Variants in NMS observed in about 807,000 individuals in gnomAD.
NMS encodes neuromedin-S.
In NMS, 30 loss-of-function variants were observed where a neutral mutation model predicts 32.2. The observed-to-expected ratio is 0.93, with a 90% confidence interval of 0.70 to 1.26. The LOEUF (loss-of-function observed/expected upper bound fraction) is 1.26. Ranked by LOEUF, NMS falls within the 50% of genes most tolerant of loss-of-function variation. NMS has a pLI of 0.00. For missense variants in NMS, 190 were observed against 186.3 expected (o/e 1.02, Z -0.12); for synonymous variants, 76 against 58.5 (o/e 1.30, Z -1.37).
At chr2:100,473,422 C>A in intron 2 of NMS, 67 bp from the exon 3 acceptor site, 2 of 809,720 alleles carry the variant, frequency 2.5e-6, no homozygotes, top group African/African-American at 1.7e-5. Flanking sequence ...ATTTGATTAC[C>A]CATTAATCAA....
At chr2:100,479,936 G>A (rs756481184) in intron 6 of NMS, among the ~76,000 whole-genome samples, 9 of 152,154 alleles carry the variant, frequency 5.9e-5, no homozygotes, top group Non-Finnish European at 8.8e-5. Context: ...AATAGCAAGA[G>A]AGAAAATTTA....
chr2:100,482,016 A>G (rs1677227007), intron 8 of NMS, among the ~76,000 whole-genome samples: 1 of 152,180 alleles, frequency 6.6e-6, no homozygotes. Context: ...CCACCACATA[A>G]GCAAAGACTA....
intron 1 of NMS, 50 bp from the exon 2 acceptor site, chr2:100,472,745 T>C: frequency 8.5e-7 from 1 of 1,180,314 alleles, no homozygotes; most frequent in East Asian, 2.4e-5. Flanking sequence ...TTGAAGTAAA[T>C]GCTATGACCT....
At chr2:100,473,213 T>C (rs1327394539) in intron 2 of NMS, among the ~76,000 whole-genome samples, 4 of 152,194 alleles carry the variant, frequency 2.6e-5, no homozygotes, top group African/African-American at 9.7e-5. Flanking sequence ...TTTCATATAG[T>C]GTGTTACAAC....
At chr2:100,477,164 T>C in intron 3 of NMS, 80 bp from the exon 4 acceptor site, 1 of 1,175,168 alleles carries the variant, frequency 8.5e-7, no homozygotes, top group Admixed American at 1.7e-5. Flanking sequence ...AGGTCCATGG[T>C]GTACCTTATA....
chr2:100,479,474 A>G, intron 6 of NMS, 47 bp downstream of exon 6: 1 of 1,501,706 alleles, frequency 6.7e-7, no homozygotes, highest in Non-Finnish European at 9.2e-7. Flanking sequence ...CTCACAGTTC[A>G]TTGAATCGTG....
chr2:100,480,870 A>T (rs1677203865), intron 7 of NMS, among the ~76,000 whole-genome samples: 1 of 152,016 alleles, frequency 6.6e-6, no homozygotes, highest in Non-Finnish European at 1.5e-5. Context: ...CAGAGCACAA[A>T]CCCCAAACAC....
intron 1 of NMS, among the ~76,000 whole-genome samples, chr2:100,472,552 C>G (rs536407891): frequency 3.9e-5 from 6 of 152,286 alleles, no homozygotes; most frequent in African/African-American, 1.4e-4. Context: ...AATTAACAAC[C>G]ATGCTATTTT....
At chr2:100,472,763 CTAAT>C in intron 1 of NMS, 28 bp from the exon 2 acceptor site, 2 of 1,438,450 alleles carry the variant, frequency 1.4e-6, no homozygotes, top group East Asian at 4.5e-5. Flanking sequence ...CCTCTTTTCT[CTAAT>C]TAATAATTTT....
chr2:100,482,470 C>T (rs559554127), intron 9 of NMS, among the ~76,000 whole-genome samples, 159 bp downstream of exon 9: 1 of 152,038 alleles, frequency 6.6e-6, no homozygotes, highest in African/African-American at 2.4e-5. Context: ...CCTTTTCCTG[C>T]TCACAGGACC....
At chr2:100,477,013 G>T (rs1486521008) in intron 3 of NMS, among the ~76,000 whole-genome samples, 1 of 152,154 alleles carries the variant, frequency 6.6e-6, no homozygotes, top group Non-Finnish European at 1.5e-5. Flanking sequence ...AAGATGAAAT[G>T]AGATTATATT....
At position 100,482,284 on chromosome 2, in the gene NMS, A is replaced by G. The variant is rs779371487; in HGVS notation, c.422A>G (p.Asn141Ser). The G allele has an allele frequency of 1.2e-6, 2 of 1,614,030 alleles. No individual in the cohort carries two copies. Among genetic ancestry groups the G allele is most frequent in the Non-Finnish European group, 1.7e-6 (2 of 1,179,926 alleles). ...TGCTCCTTTTTTTTTCAGCCCAGGA[A>G]TGGAAGAAACATTGAAGATGAGGCC... ...GRPFFLFRPR[N>S]GRNIEDEAQI... is the part of the protein sequence containing the mutation. The change falls in exon 9 of 10, where the codon AAT becomes AGT. Residue 141 changes from asparagine to serine, a missense_variant. Physicochemically the swap from Asn to Ser is conservative, Grantham distance 46 (BLOSUM62 1). Transcript: ENST00000376865.
chr2:100,472,523 G>A (rs1677022988), intron 1 of NMS, among the ~76,000 whole-genome samples: 1 of 152,128 alleles, frequency 6.6e-6, no homozygotes, highest in Admixed American at 6.5e-5. Flanking sequence ...GCTAATAGTT[G>A]TACTGAACAC....
In NMS at chr2:100,480,490, T is replaced by C. The variant is rs1363574236; in HGVS notation, c.337-6T>C. ...TTGAATTAACCTGTGCCTCATTTCC[T>C]TGCAGGGCTCGGGGACTGCTGCAGT... On this transcript the variant is annotated splice_polypyrimidine_tract_variant and splice_region_variant and intron_variant, in intron 6 of 9. Transcript: ENST00000376865. The C allele has an allele frequency of 2.5e-6, 4 of 1,613,498 alleles. No individual in the cohort carries two copies. The African/African-American group carries it at 5.3e-5, about 22-fold the overall frequency.
In NMS at chr2:100,472,840, TGCA is replaced by T. The variant is rs765075783; in HGVS notation, c.125_127del (p.Gln42del). ...GATCCTTCAGATGGCTTGGATATTGTGCAGCTTGAGGTACCCAATTATTCAGTA... is the reference window on the plus strand; with the variant it reads ...GATCCTTCAGATGGCTTGGATATTGTGCTTGAGGTACCCAATTATTCAGTA... On this transcript the variant is annotated inframe_deletion, in exon 2 of 10. Transcript: ENST00000376865. 21 of 1,609,088 alleles carry T rather than the reference TGCA, an allele frequency of 1.3e-5. No homozygotes were observed. Among genetic ancestry groups the T allele is most frequent in the African/African-American group, 2.7e-5 (2 of 74,852 alleles).
chr2:100,475,784 G>T (rs190674773), intron 3 of NMS, among the ~76,000 whole-genome samples: 1 of 152,092 alleles, frequency 6.6e-6, no homozygotes, highest in African/African-American at 2.4e-5. Flanking sequence ...CAGATCACTT[G>T]AGGTCAGGAG....
At chr2:100,478,512 G>T (rs1677155870) in intron 5 of NMS, among the ~76,000 whole-genome samples, 1 of 152,168 alleles carries the variant, frequency 6.6e-6, no homozygotes, top group African/African-American at 2.4e-5. Context: ...GCCCAGGCTG[G>T]AGTGCAATGG....
chr2:100,483,146 T>C, intron 9 of NMS, 106 bp from the exon 10 acceptor site: 1 of 975,198 alleles, frequency 1.0e-6, no homozygotes, highest in Non-Finnish European at 1.6e-6. Context: ...CACTTCAAAC[T>C]GAGGTCTAAT....
intron 7 of NMS, 137 bp from the exon 8 acceptor site, chr2:100,480,988 TA>T: frequency 1.2e-6 from 1 of 838,952 alleles, no homozygotes; most frequent in Non-Finnish European, 2.0e-6. Context: ...AAAGAGTTTG[TA>T]TTTCTTACAA....
Sources: allele counts gnomAD v4.1 joint callset (sites outside exome capture counted in the v4.1 genomes callset), GRCh38; gene constraint gnomAD v4.1.1; transcripts MANE v1.5; gene names NCBI Gene and HGNC (gene_info 2026-07-23, HGNC 2026-07-21).